The following MESD variants were observed in gnomAD, a reference collection of about 807,000 sequenced individuals.
MESD encodes LRP chaperone MESD.
MESD carries 7 observed loss-of-function variants against 12.9 expected under a neutral mutation model. The observed-to-expected ratio is 0.54, with a 90% confidence interval of 0.31 to 1.02. The LOEUF is 1.02. MESD is among the 50% of genes least tolerant of loss of function. The pLI, the probability that MESD is intolerant of heterozygous loss-of-function variation, is 0.05. For synonymous variants in MESD, 126 were observed against 115.6 expected (o/e 1.09, Z -0.58); for missense variants, 342 against 296.7 (o/e 1.15, Z -1.12).
chr15:80,953,067 CT>C, intron 3 of MESD: 1 of 455,968 alleles, frequency 2.2e-6, no homozygotes, highest in Non-Finnish European at 4.4e-6. Flanking sequence ...AGAGAAGGGC[CT>C]TTTGTAAGAG....
At chr15:80,971,538 C>T (rs1234788257), downstream of MESD, among the ~76,000 whole-genome samples, 1 of 152,232 alleles carries the variant, frequency 6.6e-6, no homozygotes, top group African/African-American at 2.4e-5. Context: ...CCTCACTCTG[C>T]TCCTCTGCTG....
chr15:80,969,411 T>C (rs1240171007), intron 3 of MESD, among the ~76,000 whole-genome samples: 1 of 152,018 alleles, frequency 6.6e-6, no homozygotes, highest in Non-Finnish European at 1.5e-5. Context: ...TTCCCGAAAC[T>C]TATTGGTGTT....
chr15:80,949,106 C>G, intron 4 of MESD: 1 of 770,520 alleles, frequency 1.3e-6, no homozygotes, highest in South Asian at 1.5e-5. Context: ...TGCCCCTACT[C>G]AAGTGTCTAC....
At chr15:80,988,193 T>C (rs74028151) in intron 1 of MESD, among the ~76,000 whole-genome samples, 20,729 of 152,272 alleles carry the variant, frequency 0.14, 1,427 homozygotes, top group Middle Eastern at 0.19. Flanking sequence ...TGCTGTGCGA[T>C]GTGGAGCAAG....
chr15:80,982,334 C>T, intron 1 of MESD, 152 bp from the exon 2 acceptor site: 1 of 648,924 alleles, frequency 1.5e-6, no homozygotes, highest in Non-Finnish European at 2.6e-6. Flanking sequence ...CTCTTCTTAA[C>T]TTTCAAGATA....
chr15:80,961,960 A>G (rs1246838949), intron 3 of MESD, among the ~76,000 whole-genome samples: 1 of 152,218 alleles, frequency 6.6e-6, no homozygotes, highest in African/African-American at 2.4e-5. Context: ...AGCTAGCATC[A>G]TCATAACAGG....
intron 3 of MESD, chr15:80,953,133 AT>A: frequency 2.2e-6 from 1 of 455,172 alleles, no homozygotes; most frequent in Non-Finnish European, 4.4e-6. Flanking sequence ...ACACCTGGGC[AT>A]AAATCAAGGC....
In MESD at chr15:80,977,179, C is replaced by A; in HGVS notation, c.*2040G>T. On this transcript the variant is annotated 3_prime_UTR_variant, in exon 3 of 3. Coordinates refer to ENST00000261758, the MANE Select transcript of MESD (RefSeq NM_015154.3). The stretch of plus-strand genomic sequence containing the variant: ...TAGCTCAGACTGTTTCCTCTGCCTG[C>A]CTTACTCTATTTCTCCTCTCCTCCT... 1 of 152,924 alleles carries A rather than the reference C, an allele frequency of 6.5e-6. No homozygotes were observed. Among genetic ancestry groups the A allele is most frequent in the Non-Finnish European group, 1.5e-5 (1 of 68,478 alleles). 9.5% of individuals were successfully genotyped at this position (152,924 alleles called of 1,614,324 possible). A position where few individuals can be genotyped will look rare whatever the true frequency, so the allele number is the denominator to read the frequency against.
At chr15:80,966,619 C>T (rs1902180172) in intron 3 of MESD, among the ~76,000 whole-genome samples, 1 of 152,198 alleles carries the variant, frequency 6.6e-6, no homozygotes, top group Non-Finnish European at 1.5e-5. Context: ...AGCTTCCAGG[C>T]TGCCTCTGTG....
In MESD at chr15:80,955,616, C is replaced by CGTGTGTGTGTGTGTGTGT. The variant is rs536028552; in HGVS notation, c.*289-3338_*289-3321dup. On this transcript the variant is annotated intron_variant, in intron 3 of 4. Transcript: ENST00000561312. ...AAAGTTTGAGAAGTGTGTGTTTGTG[C>CGTGTGTGTGTGTGTGTGT]GTGTGTGTGTGTGTGTGTGTGTGAG... Among the ~76,000 whole-genome samples the CGTGTGTGTGTGTGTGTGT allele has an allele frequency of 2.2e-3, 315 of 144,962 alleles. 1 individual carries two copies. Among genetic ancestry groups the CGTGTGTGTGTGTGTGTGT allele is most frequent in the African/African-American group, 7.4e-3 (285 of 38,530 alleles).
intron 1 of MESD, among the ~76,000 whole-genome samples, chr15:80,988,147 C>G (rs939937470): frequency 1.1e-4 from 17 of 152,114 alleles, no homozygotes; most frequent in Admixed American, 1.0e-3. Flanking sequence ...AGAACTGGCT[C>G]TAAAAGTCGC....
chr15:80,985,195 CT>C (rs1277284778), intron 1 of MESD, among the ~76,000 whole-genome samples: 1 of 152,254 alleles, frequency 6.6e-6, no homozygotes, highest in Non-Finnish European at 1.5e-5. Context: ...ATGGGCTGTG[CT>C]GTCAGACGGA....
chr15:80,951,965 T>G, exon 4 of MESD: 1 of 322,844 alleles, frequency 3.1e-6, no homozygotes, highest in Non-Finnish European at 6.1e-6. Flanking sequence ...CTACCTTGCC[T>G]TGCCCCAAGG....
At chr15:80,987,637 C>A (rs1008001544) in intron 1 of MESD, among the ~76,000 whole-genome samples, 1 of 151,988 alleles carries the variant, frequency 6.6e-6, no homozygotes, top group Non-Finnish European at 1.5e-5. Context: ...TACAGGTGCC[C>A]GCCACCATGC....
At chr15:80,954,664 C>T (rs913335759) in intron 3 of MESD, among the ~76,000 whole-genome samples, 1 of 152,104 alleles carries the variant, frequency 6.6e-6, no homozygotes, top group Non-Finnish European at 1.5e-5. Context: ...GAACTGCCCT[C>T]CCTCACAGAA....
chr15:80,959,501 G>A (rs543515394), intron 3 of MESD, among the ~76,000 whole-genome samples: 1 of 152,300 alleles, frequency 6.6e-6, no homozygotes, highest in East Asian at 1.9e-4. Context: ...GCAACTCCAA[G>A]GGGTTTCACC....
chr15:80,967,336 T>C (rs1902194678), intron 3 of MESD, among the ~76,000 whole-genome samples: 1 of 152,028 alleles, frequency 6.6e-6, no homozygotes, highest in African/African-American at 2.4e-5. Context: ...GTAGGAGCCC[T>C]CAGGGAGTTT....
chr15:80,969,158 C>T (rs1902234770), intron 3 of MESD, among the ~76,000 whole-genome samples: 1 of 152,042 alleles, frequency 6.6e-6, no homozygotes, highest in South Asian at 2.1e-4. Flanking sequence ...CCAGTGCACT[C>T]CAGCGTGAGC....
In MESD at chr15:80,979,113, G is replaced by C. The variant is rs1050524; in HGVS notation, c.*106C>G. 2 of 1,446,518 alleles carry C rather than the reference G, an allele frequency of 1.4e-6. No homozygotes were observed. Among genetic ancestry groups the C allele is most frequent in the Non-Finnish European group, 9.3e-7 (1 of 1,072,718 alleles). 89.6% of individuals were successfully genotyped at this position (1,446,518 alleles called of 1,614,324 possible). On this transcript the variant is annotated 3_prime_UTR_variant, in exon 3 of 3. Coordinates refer to ENST00000261758, the MANE Select transcript of MESD (RefSeq NM_015154.3). ...GGCAGACCCTTTCTAGAAGACACTA[G>C]AATGTCATCCGGTGTGCAGTTGCCT... is the stretch of plus-strand genomic sequence containing the variant.
Sources: gnomAD v4.1 joint callset for allele counts (sites outside exome capture counted in the v4.1 genomes callset) on GRCh38, gnomAD v4.1.1 for gene constraint, MANE v1.5 for transcripts, NCBI Gene and HGNC (gene_info 2026-07-23, HGNC 2026-07-21) for gene names.